Variants in ANKH observed in about 807,000 individuals in gnomAD.
ANKH encodes the protein ANKH inorganic pyrophosphate transport regulator, also known as mineralization regulator ANKH.
A neutral mutation model predicts 49.0 loss-of-function variants in ANKH; 15 were observed. That is an observed-to-expected ratio of 0.31 (90% confidence interval 0.20 to 0.47). The LOEUF (loss-of-function observed/expected upper bound fraction) is 0.47, where lower values mean the gene tolerates loss of function less well. ANKH is among the 20% of genes least tolerant of loss of function. The pLI is 1.00. For synonymous variants in ANKH, 273 were observed against 260.0 expected, an observed-to-expected ratio of 1.05 and a Z score of -0.48; for missense variants, 429 against 652.0, an observed-to-expected ratio of 0.66 and a Z score of 3.72.
chr5:14,796,639 T>C (rs925156863), intron 1 of ANKH, among the ~76,000 whole-genome samples: 1 of 152,120 alleles, frequency 6.6e-6, no homozygotes, highest in Non-Finnish European at 1.5e-5. Context: ...CGTATGAAAA[T>C]GTGCATCCTG....
At chr5:14,767,674 A>G (rs1039901784) in intron 2 of ANKH, among the ~76,000 whole-genome samples, 1 of 152,232 alleles carries the variant, frequency 6.6e-6, no homozygotes, top group Non-Finnish European at 1.5e-5. Context: ...ACCATGGCTA[A>G]ATAGGGAATG....
intron 1 of ANKH, chr5:14,869,843 G>A (rs1735763975): frequency 6.6e-6 from 1 of 152,176 alleles, no homozygotes; most frequent in Admixed American, 6.5e-5. Context: ...TGAGCAGCCT[G>A]GGCTTTCTGA....
At chr5:14,797,313 G>T (rs1740420096) in intron 1 of ANKH, 3 of 1,568,828 alleles carry the variant, frequency 1.9e-6, no homozygotes, top group South Asian at 2.2e-5. Context: ...CAACTCTGGT[G>T]GCCTGTCTTC....
chr5:14,863,170 T>A (rs372430083), intron 1 of ANKH, among the ~76,000 whole-genome samples: 1 of 152,180 alleles, frequency 6.6e-6, no homozygotes, highest in Non-Finnish European at 1.5e-5. Context: ...ACCAGTTGAC[T>A]GGCAACTGGT....
chr5:14,867,155 CA>C (rs774841903), intron 1 of ANKH, among the ~76,000 whole-genome samples: 13,083 of 69,394 alleles, frequency 0.19, 760 homozygotes, highest in African/African-American at 0.37. Flanking sequence ...GACTCAGTCT[CA>C]AAAAAAAAAA....
At chr5:14,837,208 G>C (rs1002944175) in intron 1 of ANKH, among the ~76,000 whole-genome samples, 1 of 152,088 alleles carries the variant, frequency 6.6e-6, no homozygotes, top group Non-Finnish European at 1.5e-5. Context: ...CATAGGCATG[G>C]GCAAGGACTT....
At chr5:14,847,656 A>G (rs1367275043) in intron 1 of ANKH, among the ~76,000 whole-genome samples, 1 of 152,182 alleles carries the variant, frequency 6.6e-6, no homozygotes, top group East Asian at 1.9e-4. Context: ...CACAAAGCAT[A>G]TGGATTGGCA....
At chr5:14,813,502 AAAAC>A (rs1740946946) in intron 1 of ANKH, among the ~76,000 whole-genome samples, 1 of 152,172 alleles carries the variant, frequency 6.6e-6, no homozygotes, top group African/African-American at 2.4e-5. Flanking sequence ...AAGGAGGAGA[AAAAC>A]AAATTAAAAT....
intron 2 of ANKH, 129 bp downstream of exon 2, chr5:14,768,844 CCT>C: frequency 9.7e-7 from 1 of 1,035,432 alleles, no homozygotes; most frequent in Non-Finnish European, 1.5e-6. Context: ...CCTTCTATCC[CCT>C]GAAAATTTCA....
intron 8 of ANKH, among the ~76,000 whole-genome samples, chr5:14,732,007 A>G (rs1738021152): frequency 6.6e-6 from 1 of 152,196 alleles, no homozygotes; most frequent in Non-Finnish European, 1.5e-5. Context: ...CACAGGACCC[A>G]GGTTTCTGTG....
rs886060075 is a variant in ANKH at position 14,708,503 on chromosome 5, A to G, written c.*2694T>C. 4 of 152,218 alleles carry G rather than the reference A, an allele frequency of 2.6e-5. No individual in the cohort carries two copies. The highest frequency in any genetic ancestry group is 1.3e-4 in the Admixed American group (2 of 15,280). The allele number at this position is 152,218 out of a possible 1,614,324, so 9.4% of individuals were successfully genotyped here. A position where few individuals can be genotyped will look rare whatever the true frequency, so the allele number is the denominator to read the frequency against. On this transcript the variant is annotated 3_prime_UTR_variant, in exon 12 of 12. Transcript: ENST00000284268. ...TCACAAAAGTCAAAAAGTTGCCCCA[A>G]TGACTCTGAAAAGTGGGAAGGAGAA...
intron 1 of ANKH, among the ~76,000 whole-genome samples, chr5:14,791,327 T>G (rs1235039188): frequency 6.6e-6 from 1 of 152,140 alleles, no homozygotes; most frequent in Non-Finnish European, 1.5e-5. Context: ...GACTCCTCGT[T>G]CAGCAGGGAG....
At chr5:14,862,199 G>C (rs1735514961) in intron 1 of ANKH, among the ~76,000 whole-genome samples, 1 of 152,206 alleles carries the variant, frequency 6.6e-6, no homozygotes, top group South Asian at 2.1e-4. Context: ...CCACGCCACT[G>C]CACTCTAGCC....
At chr5:14,797,753 C>T in intron 1 of ANKH, 2 of 1,610,814 alleles carry the variant, frequency 1.2e-6, no homozygotes, top group African/African-American at 2.7e-5. Context: ...TCGCATCTAC[C>T]ACTTTTCCCT....
intron 1 of ANKH, among the ~76,000 whole-genome samples, chr5:14,813,608 T>C: frequency 6.6e-6 from 1 of 152,130 alleles, no homozygotes; most frequent in East Asian, 1.9e-4. Context: ...CACAGTGACC[T>C]TCAATGCCTG....
chr5:14,743,163 T>C (rs1738418706), intron 7 of ANKH, among the ~76,000 whole-genome samples: 1 of 152,218 alleles, frequency 6.6e-6, no homozygotes, highest in Admixed American at 6.5e-5. Context: ...CTCTAAAACA[T>C]ATCTGTTTTC....
rs1232801467 is a variant in ANKH at position 14,759,301 on chromosome 5, C to T, written c.314-703G>A. Among the ~76,000 whole-genome samples the T allele has an allele frequency of 2.6e-5, 4 of 151,996 alleles. No individual in the cohort carries two copies. The South Asian group carries it at 6.2e-4, about 24-fold the overall frequency. On this transcript the variant is annotated intron_variant, in intron 2 of 11. Transcript: ENST00000284268. ...CTGGAACATAGGCACTCAGCCAGTA[C>T]GGGCTGAATGAATGCATATGTGTCA...
intron 1 of ANKH, among the ~76,000 whole-genome samples, chr5:14,813,569 A>G (rs1283926912): frequency 8.5e-5 from 13 of 152,090 alleles, no homozygotes; most frequent in Admixed American, 7.9e-4. Flanking sequence ...GAAACCCCCA[A>G]TGTGAAGATG....
chr5:14,868,035 T>C (rs1735704436), intron 1 of ANKH, among the ~76,000 whole-genome samples: 1 of 152,192 alleles, frequency 6.6e-6, no homozygotes, highest in Admixed American at 6.5e-5. Context: ...AGCTATAAAA[T>C]GACTAAGAAA....
Sources: allele counts gnomAD v4.1 joint callset (sites outside exome capture counted in the v4.1 genomes callset), GRCh38; gene constraint gnomAD v4.1.1; transcripts MANE v1.5; gene names NCBI Gene and HGNC (gene_info 2026-07-23, HGNC 2026-07-21).